The following MRAS variants were observed in gnomAD, a reference collection of about 807,000 sequenced individuals.
MRAS encodes the protein muscle RAS oncogene homolog.
A neutral mutation model predicts 20.9 loss-of-function variants in MRAS; 4 were observed. The observed-to-expected ratio is 0.19, with a 90% CI of 0.09 to 0.44. The LOEUF is 0.44. Ranked by LOEUF, MRAS falls within the 20% of genes least tolerant of loss-of-function variation. MRAS has a pLI of 0.99. For synonymous variants in MRAS, 98 were observed against 102.9 expected, an observed-to-expected ratio of 0.95 and a Z score of 0.29; for missense variants, 154 against 277.5, an observed-to-expected ratio of 0.56 and a Z score of 3.16.
chr3:138,379,022 G>A (rs2054844163), intron 2 of MRAS, among the ~76,000 whole-genome samples: 1 of 152,040 alleles, frequency 6.6e-6, no homozygotes, highest in African/African-American at 2.4e-5. Context: ...TTCTTTCTTT[G>A]TATTGGGAAC....
In MRAS at chr3:138,372,912, A is replaced by G. The variant is rs757673646; in HGVS notation, c.29A>G (p.Asn10Ser). MATSAVPSD[N>S]LPTYKLVVVG... is the part of the protein sequence containing the mutation. ...GCAACCAGCGCCGTCCCCAGTGACA[A>G]CCTCCCCACATACAAGCTGGTGGTG... Residue 10 changes from asparagine to serine, a missense_variant, in exon 2 of 6, where the codon AAC becomes AGC. Asn to Ser is a conservative substitution (Grantham distance 46). This residue lies in a region of MRAS where 27 missense variants were observed against 42.0 expected (regional missense o/e 0.64). Coordinates refer to ENST00000423968, the MANE Select transcript of MRAS (RefSeq NM_001085049.3). 1 of 1,546,144 alleles carries G rather than the reference A, an allele frequency of 6.5e-7. No individual in the cohort carries two copies. Among genetic ancestry groups the G allele is most frequent in the South Asian group, 1.2e-5 (1 of 80,610 alleles).
intron 2 of MRAS, among the ~76,000 whole-genome samples, chr3:138,381,622 C>T (rs993125401): frequency 2.6e-5 from 4 of 152,238 alleles, no homozygotes; most frequent in African/African-American, 9.6e-5. Flanking sequence ...GGCCCTGAGT[C>T]TCCAGACACT....
chr3:138,354,866 G>A (rs954460529), intron 1 of MRAS, among the ~76,000 whole-genome samples: 2 of 152,012 alleles, frequency 1.3e-5, no homozygotes, highest in Admixed American at 6.6e-5. Flanking sequence ...TCACAGCCTC[G>A]AACTCCTGGG....
At chr3:138,367,202 G>T (rs926361047) in intron 1 of MRAS, among the ~76,000 whole-genome samples, 1 of 152,184 alleles carries the variant, frequency 6.6e-6, no homozygotes, top group Admixed American at 6.5e-5. Context: ...GAAAGCAGGG[G>T]CCCAACTACT....
chr3:138,398,343 C>T (rs1332504311), intron 3 of MRAS, 126 bp from the exon 4 acceptor site: 11 of 747,198 alleles, frequency 1.5e-5, no homozygotes, highest in East Asian at 1.3e-4. Flanking sequence ...GAAGGGACTG[C>T]AGTCCAGGCT....
intron 2 of MRAS, among the ~76,000 whole-genome samples, chr3:138,395,544 G>T (rs1038060191): frequency 1.3e-5 from 2 of 151,954 alleles, no homozygotes; most frequent in South Asian, 2.1e-4. Flanking sequence ...GTGCTCTTCC[G>T]CTAGGCCACG....
At chr3:138,390,162 T>C (rs1331996313) in intron 2 of MRAS, among the ~76,000 whole-genome samples, 2 of 151,900 alleles carry the variant, frequency 1.3e-5, no homozygotes, top group African/African-American at 2.4e-5. Flanking sequence ...CTGGTGCTCC[T>C]CCATGCTGGC....
intron 1 of MRAS, among the ~76,000 whole-genome samples, chr3:138,362,195 C>G (rs1036755764): frequency 6.6e-6 from 1 of 152,192 alleles, no homozygotes; most frequent in Non-Finnish European, 1.5e-5. Context: ...CACTGAGGCC[C>G]TTACCAACTC....
chr3:138,365,718 A>T (rs141580847), intron 1 of MRAS, among the ~76,000 whole-genome samples: 1 of 152,222 alleles, frequency 6.6e-6, no homozygotes, highest in East Asian at 1.9e-4. Context: ...CCAGAAAGGT[A>T]GTAGTTAGAT....
At chr3:138,385,185 A>G (rs71310214) in intron 2 of MRAS, among the ~76,000 whole-genome samples, 4,895 of 127,494 alleles carry the variant, frequency 0.038, 103 homozygotes, top group Non-Finnish European at 0.064. Context: ...TTTTTTTTTT[A>G]AAGACAGGGT....
chr3:138,400,799 C>G (rs142079021), intron 5 of MRAS, among the ~76,000 whole-genome samples, 186 bp downstream of exon 5: 60 of 152,264 alleles, frequency 3.9e-4, no homozygotes, highest in African/African-American at 1.4e-3. Flanking sequence ...CCTCTGCCCT[C>G]CCCGCAGCTG....
At chr3:138,364,712 G>T (rs1039554942) in intron 1 of MRAS, among the ~76,000 whole-genome samples, 11 of 152,252 alleles carry the variant, frequency 7.2e-5, no homozygotes, top group African/African-American at 2.7e-4. Context: ...CCTCAGGGCG[G>T]AGGGCTACCT....
intron 4 of MRAS, 138 bp from the exon 5 acceptor site, chr3:138,400,396 A>G: frequency 1.4e-6 from 1 of 718,028 alleles, no homozygotes. Context: ...ATGATGCTTG[A>G]GGCTATTGGG....
chr3:138,377,521 C>T (rs1408718321), intron 2 of MRAS, among the ~76,000 whole-genome samples: 3 of 152,182 alleles, frequency 2.0e-5, no homozygotes, highest in Non-Finnish European at 2.9e-5. Context: ...GGAGAATTGC[C>T]TGAACCCAGG....
At chr3:138,366,330 G>T (rs1466790287) in intron 1 of MRAS, among the ~76,000 whole-genome samples, 1 of 152,216 alleles carries the variant, frequency 6.6e-6, no homozygotes, top group Admixed American at 6.5e-5. Context: ...AGCTCAACGT[G>T]AATGAAAGTC....
chr3:138,350,402 G>A (rs796790233), intron 1 of MRAS: 2 of 152,378 alleles, frequency 1.3e-5, no homozygotes, highest in African/African-American at 2.4e-5. Context: ...CTGCCGGGGT[G>A]GGAGGCATGG....
At chr3:138,399,926 G>A (rs1240357414) in intron 4 of MRAS, among the ~76,000 whole-genome samples, 1 of 152,314 alleles carries the variant, frequency 6.6e-6, no homozygotes, top group Non-Finnish European at 1.5e-5. Flanking sequence ...CGTATCTCCC[G>A]CTGTCTGCAC....
At chr3:138,383,007 A>G (rs1475255520) in intron 2 of MRAS, among the ~76,000 whole-genome samples, 1 of 152,172 alleles carries the variant, frequency 6.6e-6, no homozygotes, top group Non-Finnish European at 1.5e-5. Context: ...GGCTCCGGTG[A>G]CTGGGGCTCC....
intron 2 of MRAS, among the ~76,000 whole-genome samples, chr3:138,391,248 A>G (rs2055126694): frequency 6.6e-6 from 1 of 152,216 alleles, no homozygotes; most frequent in Non-Finnish European, 1.5e-5. Context: ...ATTTAAAGCT[A>G]TAATTTTCCT....
Sources: gnomAD v4.1 joint callset for allele counts (sites outside exome capture counted in the v4.1 genomes callset) on GRCh38, gnomAD v4.1.1 for gene constraint, gnomAD v4.1.1 regional missense constraint, MANE v1.5 for transcripts, NCBI Gene and HGNC (gene_info 2026-07-23, HGNC 2026-07-21) for gene names.